Variants in ZNF804B observed in about 807,000 individuals in gnomAD.
The protein encoded by ZNF804B is zinc finger 804B.
ZNF804B carries 80 observed loss-of-function variants against 101.4 expected under a neutral mutation model. The observed-to-expected ratio is 0.79, with a 90% CI of 0.66 to 0.95. The LOEUF is 0.95. Among genes scored for constraint, ZNF804B ranks in the 40% least tolerant of loss-of-function variants. ZNF804B has a pLI of 0.00. For synonymous variants in ZNF804B, 622 were observed against 558.8 expected (o/e 1.11, Z -1.59); for missense variants, 1,673 against 1,561.9 (o/e 1.07, Z -1.20).
intron 1 of ZNF804B, among the ~76,000 whole-genome samples, chr7:89,065,386 A>G (rs1011750392): frequency 2.0e-5 from 3 of 152,070 alleles, no homozygotes; most frequent in South Asian, 2.1e-4. Context: ...TTCTCACCCT[A>G]TCTCTCAGCC....
At chr7:89,189,396 G>A (rs1252518380) in intron 1 of ZNF804B, among the ~76,000 whole-genome samples, 2 of 152,150 alleles carry the variant, frequency 1.3e-5, no homozygotes, top group East Asian at 3.9e-4. Context: ...ATAATTTTAG[G>A]TAGTTTACTT....
chr7:88,771,761 C>T (rs186342222), intron 1 of ZNF804B, among the ~76,000 whole-genome samples: 2 of 152,012 alleles, frequency 1.3e-5, no homozygotes, highest in East Asian at 3.8e-4. Context: ...ATATTACATG[C>T]CAATTTTCAA....
intron 1 of ZNF804B, among the ~76,000 whole-genome samples, chr7:89,079,430 T>C (rs1445763315): frequency 3.3e-5 from 5 of 152,184 alleles, no homozygotes; most frequent in Non-Finnish European, 7.4e-5. Flanking sequence ...CTGATTTGAA[T>C]ACAGAGTCCT....
At position 88,926,943 on chromosome 7, in the gene ZNF804B, C is replaced by CGGGGGG. The variant is rs371226583; in HGVS notation, c.108+166860_108+166865dup. Among the ~76,000 whole-genome samples the CGGGGGG allele has an allele frequency of 2.6e-4, 38 of 144,422 alleles. 1 individual carries two copies. Among genetic ancestry groups the CGGGGGG allele is most frequent in the Non-Finnish European group, 1.6e-4 (11 of 67,194 alleles). 94.7% of individuals were successfully genotyped at this position (144,422 alleles called of 152,430 possible). A position where few individuals can be genotyped will look rare whatever the true frequency, so the allele number is the denominator to read the frequency against. On this transcript the variant is annotated intron_variant, in intron 1 of 3. Transcript: ENST00000333190. Reference sequence around the variant, plus strand: ...TAGATGTCTGCCGGGTGGTGGGGAGCGGGGGGAAAGCTGTTCTGTAGTTTG... The same window carrying CGGGGGG: ...TAGATGTCTGCCGGGTGGTGGGGAGCGGGGGGGGGGGGAAAGCTGTTCTGTAGTTTG...
chr7:89,098,269 A>C (rs950172711), intron 1 of ZNF804B, among the ~76,000 whole-genome samples: 1 of 112,880 alleles, frequency 8.9e-6, no homozygotes, highest in African/African-American at 3.0e-5. Context: ...AAGCATCATC[A>C]TAATTTTTTT....
At chr7:89,061,519 A>T (rs1789379198) in intron 1 of ZNF804B, among the ~76,000 whole-genome samples, 1 of 151,886 alleles carries the variant, frequency 6.6e-6, no homozygotes, top group Admixed American at 6.6e-5. Flanking sequence ...TATATTCAAA[A>T]CAGTCCATGC....
intron 1 of ZNF804B, among the ~76,000 whole-genome samples, chr7:88,842,684 T>G (rs1274448408): frequency 6.6e-6 from 1 of 152,192 alleles, no homozygotes; most frequent in Non-Finnish European, 1.5e-5. Context: ...CATGCAATTT[T>G]CCTTAGAAGA....
At chr7:89,183,797 C>T (rs1254993097) in intron 1 of ZNF804B, among the ~76,000 whole-genome samples, 1 of 152,180 alleles carries the variant, frequency 6.6e-6, no homozygotes, top group Non-Finnish European at 1.5e-5. Flanking sequence ...TGCACATTCA[C>T]GTCTAAATCC....
chr7:89,165,289 A>G (rs1335056847), intron 1 of ZNF804B, among the ~76,000 whole-genome samples: 1 of 152,102 alleles, frequency 6.6e-6, no homozygotes, highest in Admixed American at 6.6e-5. Context: ...CTGATGAGAC[A>G]TGAACTATAC....
At chr7:89,252,248 C>A (rs1350069653) in intron 2 of ZNF804B, among the ~76,000 whole-genome samples, 4 of 152,104 alleles carry the variant, frequency 2.6e-5, no homozygotes, top group African/African-American at 9.7e-5. Context: ...GTGCAAAAGA[C>A]ATGAACAGAC....
chr7:89,053,464 T>G (rs1446661561), intron 1 of ZNF804B, among the ~76,000 whole-genome samples: 1 of 152,146 alleles, frequency 6.6e-6, no homozygotes, highest in African/African-American at 2.4e-5. Context: ...CTATTCATTT[T>G]GAACTTCAAG....
intron 2 of ZNF804B, among the ~76,000 whole-genome samples, chr7:89,239,229 C>T (rs1267701842): frequency 6.6e-6 from 1 of 151,928 alleles, no homozygotes; most frequent in African/African-American, 2.4e-5. Flanking sequence ...CTGAGGATGC[C>T]CAAACTGAAT....
chr7:89,269,322 T>G (rs1187031996), intron 2 of ZNF804B, among the ~76,000 whole-genome samples: 1 of 152,182 alleles, frequency 6.6e-6, no homozygotes, highest in Non-Finnish European at 1.5e-5. Context: ...TGTTTGGTTT[T>G]TTGTCCTTGT....
chr7:88,919,430 A>G (rs1310577173), intron 1 of ZNF804B, among the ~76,000 whole-genome samples: 1 of 152,136 alleles, frequency 6.6e-6, no homozygotes. Context: ...ACGATGATAA[A>G]GGAGCCTATA....
intron 1 of ZNF804B, among the ~76,000 whole-genome samples, chr7:89,140,126 T>C (rs373634586): frequency 9.7e-4 from 147 of 152,190 alleles, no homozygotes; most frequent in African/African-American, 3.2e-3. Flanking sequence ...AAATATGCTG[T>C]CAATGAGCAG....
intron 1 of ZNF804B, among the ~76,000 whole-genome samples, chr7:88,951,493 A>G (rs796208925): frequency 7.9e-5 from 12 of 151,672 alleles, no homozygotes; most frequent in African/African-American, 2.4e-4. Context: ...TATAATGTCT[A>G]TTATTTCTGT....
At chr7:89,328,585 G>C (rs1192332185) in intron 3 of ZNF804B, among the ~76,000 whole-genome samples, 2 of 151,782 alleles carry the variant, frequency 1.3e-5, no homozygotes, top group East Asian at 3.9e-4. Flanking sequence ...ACAATATGTT[G>C]TGCAAACATA....
At chr7:88,896,590 A>G (rs1316488170) in intron 1 of ZNF804B, among the ~76,000 whole-genome samples, 1 of 152,148 alleles carries the variant, frequency 6.6e-6, no homozygotes, top group Non-Finnish European at 1.5e-5. Flanking sequence ...TGATATGCCA[A>G]TTATTTATAA....
intron 1 of ZNF804B, among the ~76,000 whole-genome samples, chr7:88,935,022 G>GAT (rs1442060978): frequency 1.3e-5 from 2 of 151,110 alleles, no homozygotes; most frequent in Non-Finnish European, 3.0e-5. Context: ...TATATATATA[G>GAT]ATATATGTGT....
Sources: allele counts gnomAD v4.1 joint callset (sites outside exome capture counted in the v4.1 genomes callset), GRCh38; gene constraint gnomAD v4.1.1; transcripts MANE v1.5; gene names NCBI Gene and HGNC (gene_info 2026-07-23, HGNC 2026-07-21).